LRP1B: variants seen among roughly 807,000 people sequenced by gnomAD.
LRP1B encodes low-density lipoprotein receptor-related protein 1B.
Under a neutral mutation model 556.6 loss-of-function variants are expected in LRP1B, and 217 were observed. The observed-to-expected ratio is 0.39, with a 90% CI of 0.35 to 0.44. LRP1B has a LOEUF of 0.44. Ranked by LOEUF, LRP1B falls within the 20% of genes least tolerant of loss-of-function variation. LRP1B has a pLI of 1.00. For missense variants in LRP1B, 5,053 were observed against 5,620.8 expected, an observed-to-expected ratio of 0.90 and a Z score of 3.23; for synonymous variants, 2,047 against 1,865.8, an observed-to-expected ratio of 1.10 and a Z score of -2.50.
chr2:140,465,728 A>AAAAAAAAAAAAAAAAG (rs1212346708), intron 60 of LRP1B, among the ~76,000 whole-genome samples: 208 of 151,548 alleles, frequency 1.4e-3, no homozygotes, highest in African/African-American at 4.9e-3. Context: ...TGCAAAAAAA[A>AAAAAAAAAAAAAAAAG]AAAAAAGAAA....
At chr2:141,260,269 T>A (rs1306747800) in intron 3 of LRP1B, among the ~76,000 whole-genome samples, 2 of 152,214 alleles carry the variant, frequency 1.3e-5, no homozygotes, top group African/African-American at 4.8e-5. Flanking sequence ...ACATCCACAT[T>A]GAATTTGCTA....
At chr2:140,497,677 T>C (rs897261454) in intron 55 of LRP1B, among the ~76,000 whole-genome samples, 2 of 151,980 alleles carry the variant, frequency 1.3e-5, no homozygotes, top group South Asian at 2.1e-4. Context: ...GGAAATTTTA[T>C]AGAATGTGTT....
chr2:142,055,976 C>A (rs1394431690), intron 1 of LRP1B, among the ~76,000 whole-genome samples: 1 of 152,004 alleles, frequency 6.6e-6, no homozygotes, highest in Admixed American at 6.6e-5. Flanking sequence ...CATGGTGAAA[C>A]CCTGTCTCTA....
At chr2:140,276,340 C>T (rs968608809) in intron 84 of LRP1B, among the ~76,000 whole-genome samples, 11 of 151,734 alleles carry the variant, frequency 7.2e-5, no homozygotes, top group Non-Finnish European at 1.3e-4. Flanking sequence ...TGCCAGGTAC[C>T]TTCATTGAGA....
In LRP1B at chr2:140,353,087, C is replaced by G. The variant is rs2105122413; in HGVS notation, c.11531-15G>C. 1 of 1,611,916 alleles carries G rather than the reference C, an allele frequency of 6.2e-7. No individual in the cohort carries two copies. The highest frequency in any genetic ancestry group is 8.5e-7 in the Non-Finnish European group (1 of 1,179,088). ...TTCATTAAGGTCTAGAAAAGAAGAGCTCAAAATAGCATCATCATACCCTCA... is the reference window on the plus strand; with the variant it reads ...TTCATTAAGGTCTAGAAAAGAAGAGGTCAAAATAGCATCATCATACCCTCA... On this transcript the variant is annotated splice_polypyrimidine_tract_variant and intron_variant, in intron 75 of 90. Coordinates refer to ENST00000389484, the MANE Select transcript of LRP1B (RefSeq NM_018557.3).
intron 2 of LRP1B, among the ~76,000 whole-genome samples, chr2:141,748,785 C>T (rs1371119420): frequency 6.6e-6 from 1 of 152,160 alleles, no homozygotes; most frequent in Non-Finnish European, 1.5e-5. Context: ...GGGCTGTAGA[C>T]CTTCAAATAG....
At chr2:141,217,654 T>G (rs1402472) in intron 6 of LRP1B, among the ~76,000 whole-genome samples, 57,887 of 151,958 alleles carry the variant, frequency 0.38, 11,519 homozygotes, top group East Asian at 0.71. Context: ...ACATAGGAAA[T>G]ACTTTTCTGA....
intron 3 of LRP1B, chr2:141,286,789 A>C: frequency 2.4e-6 from 1 of 408,468 alleles, no homozygotes; most frequent in Non-Finnish European, 5.2e-6. Context: ...ACAAGTGTAT[A>C]AACTTGTTTA....
At chr2:142,054,870 A>G (rs1704605579) in intron 1 of LRP1B, among the ~76,000 whole-genome samples, 2 of 152,112 alleles carry the variant, frequency 1.3e-5, no homozygotes, top group Admixed American at 1.3e-4. Context: ...TATGAATTTT[A>G]AGCTCAACTT....
intron 41 of LRP1B, among the ~76,000 whole-genome samples, chr2:140,620,984 A>C (rs1683429005): frequency 6.6e-6 from 1 of 152,250 alleles, no homozygotes; most frequent in Non-Finnish European, 1.5e-5. Flanking sequence ...AAAATTTGTT[A>C]ATGTTATTTT....
At chr2:140,396,247 C>T (rs540841719) in intron 66 of LRP1B, among the ~76,000 whole-genome samples, 29 of 152,198 alleles carry the variant, frequency 1.9e-4, no homozygotes, top group African/African-American at 7.0e-4. Context: ...ACAAAATAAG[C>T]CTCTTTTATT....
chr2:140,369,677 T>G (rs1014419852), intron 71 of LRP1B, among the ~76,000 whole-genome samples: 6 of 151,346 alleles, frequency 4.0e-5, no homozygotes, highest in Non-Finnish European at 7.4e-5. Flanking sequence ...AAAAAAAAAC[T>G]ATTTTTTTCT....
At chr2:141,119,316 C>T (rs1027563828) in intron 7 of LRP1B, among the ~76,000 whole-genome samples, 4 of 151,856 alleles carry the variant, frequency 2.6e-5, no homozygotes, top group South Asian at 4.1e-4. Context: ...ATCCCCACAA[C>T]GTTGTACTGT....
At chr2:140,308,985 C>T (rs926034820) in intron 83 of LRP1B, among the ~76,000 whole-genome samples, 1 of 151,716 alleles carries the variant, frequency 6.6e-6, no homozygotes, top group African/African-American at 2.4e-5. Flanking sequence ...GTCCCTAAGA[C>T]TACTGTCCTT....
intron 5 of LRP1B, among the ~76,000 whole-genome samples, chr2:141,230,057 C>T (rs1292106110): frequency 1.3e-5 from 2 of 152,102 alleles, no homozygotes; most frequent in African/African-American, 4.8e-5. Flanking sequence ...AACTTCAATA[C>T]CATTTTTTTG....
Position 140,523,828 on chromosome 2 carries a change from A to T in LRP1B, c.8026+2016T>A, listed in dbSNP as rs541205292. Among the ~76,000 whole-genome samples the T allele has an allele frequency of 5.3e-3, 800 of 152,040 alleles. 6 individuals are homozygous for T. Among genetic ancestry groups the T allele is most frequent in the African/African-American group, 0.019 (771 of 41,528 alleles). The stretch of plus-strand genomic sequence containing the variant: ...TCATATTCAAAAATTAAGTCAAAGA[A>T]GTTTGAAGACTTAAATGTATGATCT... On this transcript the variant is annotated intron_variant, in intron 49 of 90. Transcript: ENST00000389484.
chr2:140,766,502 TG>T (rs1272623890), intron 35 of LRP1B, among the ~76,000 whole-genome samples: 7 of 152,012 alleles, frequency 4.6e-5, no homozygotes, highest in African/African-American at 1.7e-4. Flanking sequence ...ACCACCATCA[TG>T]ACCTTCATTA....
At position 141,674,781 on chromosome 2, in the gene LRP1B, C is replaced by T. The variant is rs80015164; in HGVS notation, c.205+135498G>A. Among the ~76,000 whole-genome samples, 172 of 152,082 alleles carry T rather than the reference C, an allele frequency of 1.1e-3. 3 individuals carry two copies. The East Asian group carries it at 0.032, about 29-fold the overall frequency. ...TCCAGATATTTCTGAAACCAAAGTT[C>T]TTAATCACTGCATTGCAACGGGTAG... On this transcript the variant is annotated intron_variant, in intron 2 of 90. Coordinates refer to ENST00000389484, the MANE Select transcript of LRP1B (RefSeq NM_018557.3).
intron 55 of LRP1B, among the ~76,000 whole-genome samples, chr2:140,496,163 T>G (rs1688923153): frequency 6.6e-6 from 1 of 152,190 alleles, no homozygotes; most frequent in Admixed American, 6.5e-5. Context: ...TCACATATGT[T>G]ATTTCATTTG....
Sources: allele counts gnomAD v4.1 joint callset (sites outside exome capture counted in the v4.1 genomes callset), GRCh38; gene constraint gnomAD v4.1.1; transcripts MANE v1.5; gene names NCBI Gene and HGNC (gene_info 2026-07-23, HGNC 2026-07-21).